ZBTB18: variants seen among roughly 807,000 people sequenced by gnomAD.
ZBTB18 encodes zinc finger and BTB domain-containing protein 18.
ZBTB18 carries 2 observed loss-of-function variants against 37.7 expected under a neutral mutation model. That is an observed-to-expected ratio of 0.05 (90% CI 0.02 to 0.17). The LOEUF (loss-of-function observed/expected upper bound fraction) is 0.17, where lower values mean the gene tolerates loss of function less well. Ranked by LOEUF, ZBTB18 falls within the 10% of genes least tolerant of loss-of-function variation. ZBTB18 has a pLI of 1.00. For missense variants in ZBTB18, 408 were observed against 686.3 expected, an observed-to-expected ratio of 0.59 and a Z score of 4.53; for synonymous variants, 304 against 276.5, an observed-to-expected ratio of 1.10 and a Z score of -0.99.
upstream of ZBTB18, among the ~76,000 whole-genome samples, chr1:244,049,213 G>A (rs1698298918): frequency 1.4e-5 from 2 of 143,852 alleles, no homozygotes; most frequent in Non-Finnish European, 3.1e-5. Context: ...CCGGGCGCGG[G>A]GACGGGGCCG....
rs1698467892 is a variant in ZBTB18 at position 244,056,306 on chromosome 1, ACT to A, written c.*937_*938del. On this transcript the variant is annotated 3_prime_UTR_variant, in exon 2 of 2. Coordinates refer to ENST00000358704, the MANE Select transcript of ZBTB18 (RefSeq NM_205768.3). ...CTGGTGTTATGAAGAACGTAAATGC[ACT>A]GTTTTTATTTTTATTTTATATAATT... 1 of 167,124 alleles carries A rather than the reference ACT, an allele frequency of 6.0e-6. No individual in the cohort carries two copies. Among genetic ancestry groups the A allele is most frequent in the Admixed American group, 6.5e-5 (1 of 15,294 alleles). 10.4% of individuals were successfully genotyped at this position (167,124 alleles called of 1,614,324 possible). A position where few individuals can be genotyped will look rare whatever the true frequency, so the allele number is the denominator to read the frequency against.
chr1:244,051,563 T>C (rs749385347), intron 1 of ZBTB18, 119 bp downstream of exon 1: 4 of 1,195,082 alleles, frequency 3.3e-6, no homozygotes, highest in Non-Finnish European at 4.8e-6. Flanking sequence ...AATTGAGTAT[T>C]AAATGAACAT....
upstream of ZBTB18, among the ~76,000 whole-genome samples, chr1:244,049,705 G>T (rs898927941): frequency 6.6e-6 from 1 of 152,130 alleles, no homozygotes; most frequent in Non-Finnish European, 1.5e-5. Context: ...CTCTTTCCCC[G>T]TGTGTTTTAT....
In ZBTB18 at chr1:244,054,763, C is replaced by G; in HGVS notation, c.989C>G (p.Ser330Trp). ...CATCTGGCTCCCCTGAGGGAGGACT[C>G]GGTCTTGAGGGAGCTGGACCGGGAG... is the stretch of plus-strand genomic sequence containing the variant. ...PAHLAPLRED[S>W]VLRELDREDK... is the part of the protein sequence containing the mutation. The change falls in exon 2 of 2, where the codon TCG becomes TGG. Residue 330 changes from serine (S) to tryptophan (W), a missense_variant. Ser to Trp is a radical substitution (Grantham distance 177, BLOSUM62 -3). Transcript: ENST00000358704. This position sits in a 1 kb window ranked among gnomAD's most constrained non-coding sequence, Gnocchi z 9.0. 1 of 1,614,130 alleles carries G rather than the reference C, an allele frequency of 6.2e-7. No individual in the cohort carries two copies. The highest frequency in any genetic ancestry group is 8.5e-7 in the Non-Finnish European group (1 of 1,180,014).
At chr1:244,050,433 G>GCCCCC (rs1698324452), upstream of ZBTB18, among the ~76,000 whole-genome samples, 1 of 18,268 alleles carries the variant, frequency 5.5e-5, no homozygotes, top group South Asian at 2.9e-3. Flanking sequence ...ACATTAGAGT[G>GCCCCC]ACCCCCCCCC....
In ZBTB18 at chr1:244,057,422, T is replaced by G. The variant is rs1698498970; in HGVS notation, c.*2052T>G. 6.0e-6 allele frequency: 1 copy of G among 166,804 alleles called. No homozygotes were observed. The highest frequency in any genetic ancestry group is 2.1e-4 in the South Asian group (1 of 4,836). 10.3% of individuals were successfully genotyped at this position (166,804 alleles called of 1,614,324 possible). On this transcript the variant is annotated 3_prime_UTR_variant, in exon 2 of 2. Transcript: ENST00000358704. ...GCTGTTTAGTTTTGTACTATTGGTGTGTTGGTGAATTTTTAAACTGTGTGC... is the reference window on the plus strand; with the variant it reads ...GCTGTTTAGTTTTGTACTATTGGTGGGTTGGTGAATTTTTAAACTGTGTGC...
chr1:244,052,784 G>GA lies in ZBTB18; in HGVS notation c.14-993dup, dbSNP rs35804137. Among the ~76,000 whole-genome samples the GA allele has an allele frequency of 1.1e-3, 157 of 140,920 alleles. 1 individual carries two copies. Among genetic ancestry groups the GA allele is most frequent in the South Asian group, 3.4e-3 (15 of 4,468 alleles). 92.4% of individuals were successfully genotyped at this position (140,920 alleles called of 152,430 possible). A position where few individuals can be genotyped will look rare whatever the true frequency, so the allele number is the denominator to read the frequency against. On this transcript the variant is annotated intron_variant, in intron 1 of 1. Transcript: ENST00000358704. The stretch of plus-strand genomic sequence containing the variant: ...GTTGGCTGAGGTAAGGCAGAACCAG[G>GA]AAAAAAAAAAAGGTTCTCTTTTTCT...
At chr1:244,050,573 T>G (rs1252377442), upstream of ZBTB18, among the ~76,000 whole-genome samples, 2 of 152,208 alleles carry the variant, frequency 1.3e-5, no homozygotes, top group Non-Finnish European at 2.9e-5. Context: ...TATCAGTTTA[T>G]TAATTGGTCT....
At chr1:244,050,400 C>T (rs183742608), upstream of ZBTB18, among the ~76,000 whole-genome samples, 307 of 148,294 alleles carry the variant, frequency 2.1e-3, 1 homozygote, top group African/African-American at 7.4e-3. Flanking sequence ...TCCCCCCACA[C>T]AAAGATTTTC....
chr1:244,049,807 C>A (rs1425615885), upstream of ZBTB18, among the ~76,000 whole-genome samples: 1 of 151,366 alleles, frequency 6.6e-6, no homozygotes, highest in Admixed American at 6.6e-5. Flanking sequence ...CCTCACAAAA[C>A]CTCTATGGAT....
chr1:244,051,396 CCAG>C lies in ZBTB18; in HGVS notation c.-32_-30del. 6.2e-7 allele frequency: 1 copy of C among 1,613,504 alleles called. No individual in the cohort carries two copies. The stretch of plus-strand genomic sequence containing the variant: ...TTCCACCGATGTAACAGACCTGGAG[CCAG>C]CAGGACTCAGAGGAAAGGACTTAAT... On this transcript the variant is annotated 5_prime_UTR_variant, in exon 1 of 2. Coordinates refer to ENST00000358704, the MANE Select transcript of ZBTB18 (RefSeq NM_205768.3).
intron 1 of ZBTB18, among the ~76,000 whole-genome samples, chr1:244,052,047 A>G (rs1676762953): frequency 2.0e-5 from 3 of 152,198 alleles, no homozygotes; most frequent in African/African-American, 7.2e-5. Context: ...CTTTTATTTC[A>G]GCATAACAAT....
chr1:244,049,674 T>C (rs2148552437), upstream of ZBTB18, among the ~76,000 whole-genome samples: 1 of 152,318 alleles, frequency 6.6e-6, no homozygotes, highest in East Asian at 1.9e-4. Context: ...CTCCACCTCC[T>C]TCCCTGTGGT....
chr1:244,054,847 G>A lies in ZBTB18; in HGVS notation c.1073G>A (p.Gly358Glu). Reference protein sequence around the residue: ...TPESERVQVEGGMESSLLPYV... With the variant: ...TPESERVQVEEGMESSLLPYV... Reference sequence around the variant, plus strand: ...GAGAGCGAGCGTGTCCAGGTGGAGGGAGGCATGGAGAGCAGTCTGCTCCCC... The same window carrying A: ...GAGAGCGAGCGTGTCCAGGTGGAGGAAGGCATGGAGAGCAGTCTGCTCCCC... The change falls in exon 2 of 2, where the codon GGA (glycine) becomes GAA (glutamate). Residue 358 changes from glycine (G) to glutamate (E), a missense_variant. This residue lies in a region of ZBTB18 where 266 missense variants were observed against 312.0 expected (regional missense o/e 0.85). Transcript: ENST00000358704. This position sits in a 1 kb window ranked among gnomAD's most constrained non-coding sequence, Gnocchi z 9.0. 5 of 1,614,154 alleles carry A rather than the reference G, an allele frequency of 3.1e-6. No individual in the cohort carries two copies. Among genetic ancestry groups the A allele is most frequent in the Non-Finnish European group, 3.4e-6 (4 of 1,180,030 alleles).
Position 244,053,740 on chromosome 1 carries a change from A to G in ZBTB18, c.14-48A>G. The G allele has an allele frequency of 6.4e-7, 1 of 1,557,440 alleles. No individual in the cohort carries two copies. Among genetic ancestry groups the G allele is most frequent in the Non-Finnish European group, 8.7e-7 (1 of 1,153,936 alleles). On this transcript the variant is annotated intron_variant, in intron 1 of 1. Transcript: ENST00000358704. This position sits in a 1 kb window ranked among gnomAD's most constrained non-coding sequence, Gnocchi z 5.2. ...TTTTTATATGGGGACTGGAGCGCTG[A>G]AAAGTTGTTCCTGACCAGGCTCTAA...
At chr1:244,051,790 A>G (rs1411308392) in intron 1 of ZBTB18, among the ~76,000 whole-genome samples, 1 of 152,170 alleles carries the variant, frequency 6.6e-6, no homozygotes, top group African/African-American at 2.4e-5. Flanking sequence ...GGAAATAGTA[A>G]ACTGGAATCC....
At position 244,053,921 on chromosome 1, in the gene ZBTB18, T is replaced by C. The variant is rs376491341; in HGVS notation, c.147T>C (p.Ala49=). The change falls in exon 2 of 2, where the codon GCT becomes GCC. Residue 49 remains alanine (A), a synonymous_variant. Transcript: ENST00000358704. This position sits in a 1 kb window ranked among gnomAD's most constrained non-coding sequence, Gnocchi z 5.2. ...ATGCCCAGTTCCGAGCGCACCGAGC[T>C]GTACTGGCTTCATGCAGCATGTATT... is the stretch of plus-strand genomic sequence containing the variant. ...VGDAQFRAHR[A]VLASCSMYFH... 11 of 1,614,064 alleles carry C rather than the reference T, an allele frequency of 6.8e-6. No individual in the cohort carries two copies. The African/African-American group carries it at 1.3e-4, about 20-fold the overall frequency.
chr1:244,056,764 G>T lies in ZBTB18; in HGVS notation c.*1394G>T, dbSNP rs560745566. Reference sequence around the variant, plus strand: ...TGCCTTGATTGACATGGGGAAGGGGGTTAGTAGACTATGTGGATTGCGGCA... The same window carrying T: ...TGCCTTGATTGACATGGGGAAGGGGTTTAGTAGACTATGTGGATTGCGGCA... On this transcript the variant is annotated 3_prime_UTR_variant, in exon 2 of 2. Coordinates refer to ENST00000358704, the MANE Select transcript of ZBTB18 (RefSeq NM_205768.3). 12 of 166,956 alleles carry T rather than the reference G, an allele frequency of 7.2e-5. No homozygotes were observed. The highest frequency in any genetic ancestry group is 1.8e-4 in the Non-Finnish European group (12 of 68,094). The allele number at this position is 166,956 out of a possible 1,614,324, so 10.3% of individuals were successfully genotyped here. A position where few individuals can be genotyped will look rare whatever the true frequency, so the allele number is the denominator to read the frequency against.
upstream of ZBTB18, among the ~76,000 whole-genome samples, chr1:244,049,211 G>C (rs1298841755): frequency 1.4e-5 from 2 of 144,200 alleles, no homozygotes; most frequent in African/African-American, 5.0e-5. Context: ...GCCCGGGCGC[G>C]GGGACGGGGC....
Sources: allele counts gnomAD v4.1 joint callset (sites outside exome capture counted in the v4.1 genomes callset), GRCh38; gene constraint gnomAD v4.1.1; regional missense constraint gnomAD v4.1.1; non-coding constraint Gnocchi (gnomAD v3.1); transcripts MANE v1.5; gene names NCBI Gene and HGNC (gene_info 2026-07-23, HGNC 2026-07-21).